The following LRFN1 variants were observed in gnomAD, a reference collection of about 807,000 sequenced individuals.
LRFN1 encodes leucine rich repeat and fibronectin type III domain containing 1, also known as leucine-rich repeat and fibronectin type III domain-containing protein 1.
A neutral mutation model predicts 31.8 loss-of-function variants in LRFN1; 20 were observed. The observed-to-expected ratio is 0.63, with a 90% CI of 0.44 to 0.91. The LOEUF is 0.91. Among genes scored for constraint, LRFN1 ranks in the 40% least tolerant of loss-of-function variants. The pLI is 0.00. For synonymous variants in LRFN1, 514 were observed against 541.3 expected (o/e 0.95, Z 0.70); for missense variants, 912 against 1,129.8 (o/e 0.81, Z 2.76).
intron 1 of LRFN1, among the ~76,000 whole-genome samples, chr19:39,319,710 A>C (rs2075182049): frequency 6.7e-6 from 1 of 149,888 alleles, no homozygotes; most frequent in African/African-American, 2.5e-5. Context: ...CCCCCCCACC[A>C]CCCCACCTAC....
In LRFN1 at chr19:39,308,159, GGGGCCTGTGCC is replaced by G; in HGVS notation, c.1779_1789del (p.Ala594GlyfsTer362). 6.4e-7 allele frequency: 1 copy of G among 1,558,450 alleles called. No individual in the cohort carries two copies. Among genetic ancestry groups the G allele is most frequent in the Non-Finnish European group, 8.7e-7 (1 of 1,152,914 alleles). ...GTAGTGGTCCTGGGCCGGCAGGGCC[GGGGCCTGTGCC>G]GCGCCTGTGCCTGCGCCGTTGGTCT... On this transcript the variant is annotated frameshift_variant, in exon 5 of 5. Transcript: ENST00000248668. LOFTEE classifies it low-confidence loss of function (END_TRUNC). This position sits in a 1 kb window ranked among gnomAD's most constrained non-coding sequence, Gnocchi z 6.2.
In LRFN1 at chr19:39,306,882, T is replaced by G; in HGVS notation, c.*751A>C. The G allele has an allele frequency of 3.8e-5, 6 of 158,480 alleles. No homozygotes were observed. The highest frequency in any genetic ancestry group is 5.5e-5 in the Non-Finnish European group (4 of 72,694). 9.8% of individuals were successfully genotyped at this position (158,480 alleles called of 1,614,324 possible). A position where few individuals can be genotyped will look rare whatever the true frequency, so the allele number is the denominator to read the frequency against. ...GTCCCGGCTCCGGTAGGGAGGGGGA[T>G]TTGGTTTTGGATTTTGTTCGTGTGG... On this transcript the variant is annotated 3_prime_UTR_variant, in exon 5 of 5. Transcript: ENST00000248668.
At chr19:39,319,433 T>TCACACA (rs59717724) in intron 1 of LRFN1, among the ~76,000 whole-genome samples, 170 of 149,360 alleles carry the variant, frequency 1.1e-3, no homozygotes, top group Middle Eastern at 6.8e-3. Context: ...GATACATACC[T>TCACACA]CACACACACA....
intron 4 of LRFN1, among the ~76,000 whole-genome samples, chr19:39,309,150 C>A (rs766171812): frequency 7.9e-5 from 12 of 152,196 alleles, no homozygotes; most frequent in Non-Finnish European, 1.3e-4. Flanking sequence ...GCATGCAGCA[C>A]CTTTGGGTAA....
At position 39,308,170 on chromosome 19, in the gene LRFN1, C is replaced by T; in HGVS notation, c.1779G>A (p.Ala593=). 2 of 1,575,206 alleles carry T rather than the reference C, an allele frequency of 1.3e-6. No individual in the cohort carries two copies. The highest frequency in any genetic ancestry group is 1.7e-6 in the Non-Finnish European group (2 of 1,160,048). Residue 593 remains alanine, a synonymous_variant, in exon 5 of 5, where the codon GCG becomes GCA. Coordinates refer to ENST00000248668, the MANE Select transcript of LRFN1 (RefSeq NM_020862.2). This position sits in a 1 kb window ranked among gnomAD's most constrained non-coding sequence, Gnocchi z 6.2. ...GGGCCGGCAGGGCCGGGGCCTGTGC[C>T]GCGCCTGTGCCTGCGCCGTTGGTCT... The part of the protein sequence containing the change: ...CSQTNGAGTG[A]AQAPALPAQD...
intron 4 of LRFN1, among the ~76,000 whole-genome samples, chr19:39,313,089 C>T (rs2075156600): frequency 6.6e-6 from 1 of 152,176 alleles, no homozygotes; most frequent in Admixed American, 6.5e-5. Flanking sequence ...TGTCTGTTGA[C>T]ACCGTATGGT....
intron 1 of LRFN1, among the ~76,000 whole-genome samples, chr19:39,320,204 C>A (rs2075184052): frequency 6.6e-6 from 1 of 151,548 alleles, no homozygotes; most frequent in Non-Finnish European, 1.5e-5. Flanking sequence ...AACTCCCCTC[C>A]CCCAAATCCA....
Position 39,308,065 on chromosome 19 carries a change from G to A in LRFN1, c.1884C>T (p.Ala628=). 2.0e-6 allele frequency: 3 copies of A among 1,510,110 alleles called. No individual in the cohort carries two copies. Among genetic ancestry groups the A allele is most frequent in the Non-Finnish European group, 2.6e-6 (3 of 1,134,648 alleles). 93.5% of individuals were successfully genotyped at this position (1,510,110 alleles called of 1,614,324 possible). ...CCTCCGGCTCCGCGGATGCCGTCTC[G>A]GCCTCCATGGCCTTGGCCTCGACGG... The part of the protein sequence containing the change: ...AVAVEAKAME[A]ETASAEPEVV... Residue 628 remains alanine (A), a synonymous_variant, in exon 5 of 5, where the codon GCC becomes GCT. Transcript: ENST00000248668. The surrounding 1 kb of genome is among the most constrained non-coding windows in gnomAD (Gnocchi z 6.2).
rs2075132625 is a variant in LRFN1, at chr19:39,307,385, G to A, written c.*248C>T. 7.3e-6 allele frequency: 3 copies of A among 412,258 alleles called. No individual in the cohort carries two copies. Among genetic ancestry groups the A allele is most frequent in the African/African-American group, 6.1e-5 (3 of 48,864 alleles). The allele number at this position is 412,258 out of a possible 1,614,324, so 25.5% of individuals were successfully genotyped here. On this transcript the variant is annotated 3_prime_UTR_variant, in exon 5 of 5. Transcript: ENST00000248668. The surrounding 1 kb of genome is among the most constrained non-coding windows in gnomAD (Gnocchi z 6.7). ...GGTCCGCGAGCGCGCGAGGGGAGGG[G>A]TAGGAGGGGGGTCGAGGAGTCCATA...
rs929481940 is a variant in LRFN1 at position 39,308,338 on chromosome 19, G to A, written c.1611C>T (p.Ile537=). The A allele has an allele frequency of 9.3e-6, 15 of 1,612,982 alleles. No homozygotes were observed. Among genetic ancestry groups the A allele is most frequent in the Admixed American group, 1.7e-5 (1 of 59,938 alleles). The part of the protein sequence containing the change: ...LRAHFLGGTM[I]IAIGGVIVAS... The stretch of plus-strand genomic sequence containing the variant: ...CGACGATGACGCCCCCGATGGCGAT[G>A]ATCATGGTGCCGCCCAAGAAATGGG... Residue 537 remains isoleucine, a synonymous_variant, in exon 5 of 5, where the codon ATC becomes ATT. Transcript: ENST00000248668. The surrounding 1 kb of genome is among the most constrained non-coding windows in gnomAD (Gnocchi z 6.2).
intron 4 of LRFN1, among the ~76,000 whole-genome samples, chr19:39,311,396 C>T (rs927704704): frequency 2.6e-5 from 4 of 152,146 alleles, no homozygotes; most frequent in African/African-American, 9.7e-5. Flanking sequence ...TTGTGAACCT[C>T]CCCCACCCCA....
At chr19:39,311,655 A>G (rs1041181188) in intron 4 of LRFN1, among the ~76,000 whole-genome samples, 2 of 152,158 alleles carry the variant, frequency 1.3e-5, no homozygotes, top group Admixed American at 1.3e-4. Context: ...ACGCCTTCAT[A>G]GCGGAGCTGG....
intron 4 of LRFN1, among the ~76,000 whole-genome samples, chr19:39,311,253 T>C (rs926203573): frequency 6.6e-6 from 1 of 152,144 alleles, no homozygotes; most frequent in African/African-American, 2.4e-5. Context: ...TGCGGCACCA[T>C]AGCATAGGAA....
intron 1 of LRFN1, among the ~76,000 whole-genome samples, chr19:39,319,123 C>A (rs2075180383): frequency 6.6e-6 from 1 of 152,188 alleles, no homozygotes; most frequent in Non-Finnish European, 1.5e-5. Flanking sequence ...GGATACATAC[C>A]CTCAAGGTTG....
chr19:39,308,183 G>A lies in LRFN1; in HGVS notation c.1766C>T (p.Ala589Val). The A allele has an allele frequency of 6.3e-7, 1 of 1,591,704 alleles. No individual in the cohort carries two copies. Among genetic ancestry groups the A allele is most frequent in the Non-Finnish European group, 8.6e-7 (1 of 1,167,912 alleles). ...CGGGGCCTGTGCCGCGCCTGTGCCT[G>A]CGCCGTTGGTCTGCGAGCACACGTG... ...VSHVCSQTNG[A>V]GTGAAQAPAL... The change falls in exon 5 of 5, where the codon GCA (alanine) becomes GTA (valine). Residue 589 changes from alanine (A) to valine (V), a missense_variant. Around this residue, in one of 2 missense-constraint regions of LRFN1, gnomAD observed 511 missense variants for 557.0 expected, o/e 0.92. Coordinates refer to ENST00000248668, the MANE Select transcript of LRFN1 (RefSeq NM_020862.2). This position sits in a 1 kb window ranked among gnomAD's most constrained non-coding sequence, Gnocchi z 6.2.
Position 39,307,509 on chromosome 19 carries a change from C to T in LRFN1, c.*124G>A, listed in dbSNP as rs1327292644. ...AGGCTGCCCCGCCCCCTCCCGGGGA[C>T]AAGGGCGCGTCTCCACTCTGGTCCA... is the stretch of plus-strand genomic sequence containing the variant. On this transcript the variant is annotated 3_prime_UTR_variant, in exon 5 of 5. Coordinates refer to ENST00000248668, the MANE Select transcript of LRFN1 (RefSeq NM_020862.2). This position sits in a 1 kb window ranked among gnomAD's most constrained non-coding sequence, Gnocchi z 6.7. 21 of 1,112,242 alleles carry T rather than the reference C, an allele frequency of 1.9e-5. No individual in the cohort carries two copies. The highest frequency in any genetic ancestry group is 2.2e-5 in the Non-Finnish European group (19 of 860,420). The allele number at this position is 1,112,242 out of a possible 1,614,324, so 68.9% of individuals were successfully genotyped here.
chr19:39,308,221 G>A lies in LRFN1; in HGVS notation c.1728C>T (p.Leu576=). The A allele has an allele frequency of 1.2e-6, 2 of 1,610,464 alleles. No individual in the cohort carries two copies. Among genetic ancestry groups the A allele is most frequent in the Non-Finnish European group, 1.7e-6 (2 of 1,178,084 alleles). ...DSRRVKGSRS[L]PRVSHVCSQT... is the part of the protein sequence containing the mutation. ...GCGAGCACACGTGGCTGACCCGCGG[G>A]AGCGACCTGGAGCCCTTGACGCGGC... Residue 576 remains leucine (L), a synonymous_variant, in exon 5 of 5, where the codon CTC becomes CTT. Transcript: ENST00000248668. The surrounding 1 kb of genome is among the most constrained non-coding windows in gnomAD (Gnocchi z 6.2).
rs751023716 is a variant in LRFN1 at position 39,308,231 on chromosome 19, G to T, written c.1718C>A (p.Ser573Tyr). The T allele has an allele frequency of 6.2e-7, 1 of 1,611,890 alleles. No homozygotes were observed. Among genetic ancestry groups the T allele is most frequent in the Non-Finnish European group, 8.5e-7 (1 of 1,178,974 alleles). Residue 573 changes from serine to tyrosine, a missense_variant, in exon 5 of 5, where the codon TCC becomes TAC. By Grantham distance (144) the Ser-to-Tyr change is moderately radical (BLOSUM62 -2). This residue lies in a region of LRFN1 where 511 missense variants were observed against 557.0 expected (regional missense o/e 0.92). Coordinates refer to ENST00000248668, the MANE Select transcript of LRFN1 (RefSeq NM_020862.2). This position sits in a 1 kb window ranked among gnomAD's most constrained non-coding sequence, Gnocchi z 6.2. ...GTGGCTGACCCGCGGGAGCGACCTG[G>T]AGCCCTTGACGCGGCGGCTGTCCCC... The part of the protein sequence containing the change: ...GDGDSRRVKG[S>Y]RSLPRVSHVC...
intron 4 of LRFN1, among the ~76,000 whole-genome samples, chr19:39,310,841 T>C (rs1675039119): frequency 6.6e-6 from 1 of 151,764 alleles, no homozygotes; most frequent in South Asian, 2.1e-4. Flanking sequence ...CTCCAGGAGG[T>C]TCTCCCACTA....
Sources: allele counts gnomAD v4.1 joint callset (sites outside exome capture counted in the v4.1 genomes callset), GRCh38; gene constraint gnomAD v4.1.1; regional missense constraint gnomAD v4.1.1; non-coding constraint Gnocchi (gnomAD v3.1); transcripts MANE v1.5; gene names NCBI Gene and HGNC (gene_info 2026-07-23, HGNC 2026-07-21).